The following DIAPH1 variants were observed in gnomAD, a reference collection of about 807,000 sequenced individuals.
The protein encoded by DIAPH1 is diaphanous related formin 1.
In DIAPH1, 46 loss-of-function variants were observed where a neutral mutation model predicts 140.7. The ratio of observed to expected loss-of-function variants is 0.33; its 90% CI spans 0.26 to 0.42. The LOEUF (loss-of-function observed/expected upper bound fraction) is 0.42, where lower values mean the gene tolerates loss of function less well. DIAPH1 is among the 10% of genes least tolerant of loss of function. The pLI is 1.00. For synonymous variants in DIAPH1, 565 were observed against 551.6 expected, an observed-to-expected ratio of 1.02 and a Z score of -0.34; for missense variants, 1,310 against 1,558.7, an observed-to-expected ratio of 0.84 and a Z score of 2.69.
At chr5:141,614,887 G>C (rs1466694702) in intron 1 of DIAPH1, among the ~76,000 whole-genome samples, 1 of 151,506 alleles carries the variant, frequency 6.6e-6, no homozygotes, top group Non-Finnish European at 1.5e-5. Flanking sequence ...AAAGCTCTCT[G>C]TATATTTTTC....
intron 1 of DIAPH1, among the ~76,000 whole-genome samples, chr5:141,608,555 C>T (rs1198976399): frequency 1.3e-5 from 2 of 152,168 alleles, no homozygotes; most frequent in African/African-American, 2.4e-5. Context: ...ATAGGACAGT[C>T]TCATGACTTC....
chr5:141,563,095 C>A (rs1249259345), intron 18 of DIAPH1: 1 of 152,264 alleles, frequency 6.6e-6, no homozygotes, highest in Non-Finnish European at 1.5e-5. Flanking sequence ...GTTGTACAAG[C>A]CCCAGTCCAG....
chr5:141,597,329 T>C (rs1279635115), intron 1 of DIAPH1, among the ~76,000 whole-genome samples: 5 of 152,138 alleles, frequency 3.3e-5, no homozygotes, highest in African/African-American at 9.7e-5. Context: ...TTAACAATAA[T>C]ATCAACAGCT....
chr5:141,610,911 T>C (rs1250826519), intron 1 of DIAPH1, among the ~76,000 whole-genome samples: 5 of 127,676 alleles, frequency 3.9e-5, no homozygotes, highest in South Asian at 4.9e-4. Flanking sequence ...CCCACCACTA[T>C]AAAAAAAAAA....
chr5:141,618,955 C>G lies in DIAPH1; in HGVS notation c.-41G>C, dbSNP rs1048502063. On this transcript the variant is annotated 5_prime_UTR_variant, in exon 1 of 28. Coordinates refer to ENST00000389054, the MANE Select transcript of DIAPH1 (RefSeq NM_005219.5). ...GGCCGGCGACCCCGCGCCTACGCCG[C>G]TCCCGCCTGGCAGCTCCGCGCCCGC... 1 of 1,247,218 alleles carries G rather than the reference C, an allele frequency of 8.0e-7. No individual in the cohort carries two copies. The highest frequency in any genetic ancestry group is 1.6e-5 in the African/African-American group (1 of 62,990). 77.3% of individuals were successfully genotyped at this position (1,247,218 alleles called of 1,614,324 possible). A position where few individuals can be genotyped will look rare whatever the true frequency, so the allele number is the denominator to read the frequency against.
chr5:141,547,206 G>A (rs973346979), intron 18 of DIAPH1, among the ~76,000 whole-genome samples: 8 of 152,198 alleles, frequency 5.3e-5, no homozygotes, highest in African/African-American at 7.2e-5. Context: ...TCAGCCAGGC[G>A]CGGTAATCCC....
intron 1 of DIAPH1, among the ~76,000 whole-genome samples, chr5:141,592,065 G>A (rs1023937691): frequency 1.4e-5 from 2 of 146,778 alleles, no homozygotes; most frequent in African/African-American, 2.5e-5. Context: ...CTGGGTGACA[G>A]AGCGAGACTC....
chr5:141,605,564 A>C (rs1278385276), intron 1 of DIAPH1, among the ~76,000 whole-genome samples: 1 of 152,252 alleles, frequency 6.6e-6, no homozygotes, highest in Non-Finnish European at 1.5e-5. Flanking sequence ...GACAAGGCAC[A>C]GTTACAAAGT....
rs201643914 is a variant in DIAPH1 at position 141,574,973 on chromosome 5, T to G, written c.1635A>C (p.Thr545=). The part of the protein sequence containing the change: ...QDLEAEVSQL[T]GEVAKLTKEL... ...TTCCCTGCTCAGGCATTACCTCTCC[T>G]GTGAGCTGGGACACCTCTGCTTCCA... The change falls in exon 15 of 28, where the codon ACA becomes ACC. Residue 545 remains threonine (T), a synonymous_variant. Transcript: ENST00000389054. 3.7e-5 allele frequency: 59 copies of G among 1,614,220 alleles called. No individual in the cohort carries two copies. Among genetic ancestry groups the G allele is most frequent in the Non-Finnish European group, 4.8e-5 (57 of 1,180,026 alleles).
rs2154596310 is a variant in DIAPH1 at position 141,574,062 on chromosome 5, A to G, written c.1788T>C (p.Ile596=). The G allele has an allele frequency of 6.2e-7, 1 of 1,607,712 alleles. No individual in the cohort carries two copies. The highest frequency in any genetic ancestry group is 1.1e-5 in the South Asian group (1 of 90,064). Residue 596 remains isoleucine (I), a synonymous_variant, in exon 16 of 28, where the codon ATT becomes ATC. Coordinates refer to ENST00000389054, the MANE Select transcript of DIAPH1 (RefSeq NM_005219.5). ...TATCCCCAGGAGCAGGTGGTGGTGG[A>G]ATAATAGTGCCAGAGTCACCAGGTA... ...PPLPGDSGTI[I]PPPPAPGDST...
Position 141,557,374 on chromosome 5 carries a change from GT to G in DIAPH1, c.2482+14053del, listed in dbSNP as rs574536090. 1.8e-4 allele frequency among the ~76,000 whole-genome samples: 28 copies of G among 152,272 alleles called. No individual in the cohort carries two copies. In the East Asian group the frequency reaches 5.0e-3, roughly 27 times the overall value. On this transcript the variant is annotated intron_variant, in intron 18 of 27. Transcript: ENST00000389054. ...TGAAACAAGACTAGCTGTTGATTAAGTTTTTTAAATGGGTGATGGACATAGG... is the reference window on the plus strand; with the variant it reads ...TGAAACAAGACTAGCTGTTGATTAAGTTTTTAAATGGGTGATGGACATAGG...
At chr5:141,609,556 A>G (rs989287977) in intron 1 of DIAPH1, among the ~76,000 whole-genome samples, 71 of 152,166 alleles carry the variant, frequency 4.7e-4, no homozygotes, top group African/African-American at 1.7e-3. Flanking sequence ...TAATAACAGT[A>G]CCTATTTTAT....
intron 18 of DIAPH1, among the ~76,000 whole-genome samples, chr5:141,535,100 C>A (rs544613831): frequency 6.6e-6 from 1 of 152,212 alleles, no homozygotes; most frequent in East Asian, 1.9e-4. Context: ...CAGGTGCAGG[C>A]CACCACGCCC....
chr5:141,551,293 T>C (rs546803295), intron 18 of DIAPH1, among the ~76,000 whole-genome samples: 24 of 151,992 alleles, frequency 1.6e-4, no homozygotes, highest in African/African-American at 4.8e-4. Context: ...CTACCAAAAA[T>C]ACAAATCAAA....
chr5:141,547,020 G>A (rs1471048961), intron 18 of DIAPH1, among the ~76,000 whole-genome samples: 1 of 152,112 alleles, frequency 6.6e-6, no homozygotes, highest in Admixed American at 6.5e-5. Context: ...CAAAGTTCAA[G>A]GAACAAACCA....
intron 1 of DIAPH1, among the ~76,000 whole-genome samples, chr5:141,604,006 T>G (rs1001958788): frequency 1.3e-5 from 2 of 152,174 alleles, no homozygotes; most frequent in African/African-American, 4.8e-5. Flanking sequence ...CTGAGGATGC[T>G]GCATTCCTCC....
At chr5:141,555,366 G>A (rs528654294) in intron 18 of DIAPH1, among the ~76,000 whole-genome samples, 33 of 152,240 alleles carry the variant, frequency 2.2e-4, no homozygotes, top group African/African-American at 7.7e-4. Context: ...GTTCAACTTT[G>A]ACGGTGGGTT....
rs539631579 is a variant in DIAPH1, at chr5:141,581,006, C to G, written c.685-123G>C. The G allele has an allele frequency of 3.7e-6, 4 of 1,074,370 alleles. No individual in the cohort carries two copies. The East Asian group carries it at 1.0e-4, about 27-fold the overall frequency. 66.6% of individuals were successfully genotyped at this position (1,074,370 alleles called of 1,614,324 possible). A position where few individuals can be genotyped will look rare whatever the true frequency, so the allele number is the denominator to read the frequency against. On this transcript the variant is annotated intron_variant, in intron 7 of 27. Transcript: ENST00000389054. ...AAATTCCAGTGTTGAAGTCCCAACC[C>G]CCAGTACCTCAAAATGTAACCTCAT...
At chr5:141,556,228 A>G (rs908988032) in intron 18 of DIAPH1, among the ~76,000 whole-genome samples, 6 of 152,110 alleles carry the variant, frequency 3.9e-5, no homozygotes, top group African/African-American at 7.2e-5. Context: ...ACACAGTATT[A>G]TATTTTTTCT....
Sources: allele counts gnomAD v4.1 joint callset (sites outside exome capture counted in the v4.1 genomes callset), GRCh38; gene constraint gnomAD v4.1.1; transcripts MANE v1.5; gene names NCBI Gene and HGNC (gene_info 2026-07-23, HGNC 2026-07-21).